Variants in MMS22L observed in about 807,000 individuals in gnomAD.
MMS22L encodes the protein protein MMS22-like.
MMS22L carries 74 observed loss-of-function variants against 159.1 expected under a neutral mutation model. That is an observed-to-expected ratio of 0.47 (90% CI 0.39 to 0.56). The LOEUF (loss-of-function observed/expected upper bound fraction) is 0.56, where lower values mean the gene tolerates loss of function less well. Ranked by LOEUF, MMS22L falls within the 20% of genes least tolerant of loss-of-function variation. The pLI is 0.00. For synonymous variants in MMS22L, 517 were observed against 506.9 expected (o/e 1.02, Z -0.27); for missense variants, 1,351 against 1,422.1 (o/e 0.95, Z 0.80).
chr6:97,194,684 C>A lies in MMS22L; in HGVS notation c.2040-7994G>T, dbSNP rs547126069. On this transcript the variant is annotated intron_variant, in intron 14 of 24. Coordinates refer to ENST00000683635, the MANE Select transcript of MMS22L (RefSeq NM_001350599.2). ...CTGTCATGGAGGAGGATTGAAAATACTCCTTTACTCTATAGGTATAAGTGC... is the reference window on the plus strand; with the variant it reads ...CTGTCATGGAGGAGGATTGAAAATAATCCTTTACTCTATAGGTATAAGTGC... Among the ~76,000 whole-genome samples, 10 of 152,212 alleles carry A rather than the reference C, an allele frequency of 6.6e-5. No individual in the cohort carries two copies. The East Asian group carries it at 1.5e-3, about 24-fold the overall frequency.
At chr6:97,272,561 A>G in intron 6 of MMS22L, 143 bp downstream of exon 6, 1 of 672,998 alleles carries the variant, frequency 1.5e-6, no homozygotes, top group South Asian at 2.1e-5. Context: ...CAATTAATAA[A>G]AGGAGGATGG....
chr6:97,208,886 C>T (rs550930924), intron 14 of MMS22L, among the ~76,000 whole-genome samples: 9 of 151,960 alleles, frequency 5.9e-5, no homozygotes, highest in African/African-American at 1.7e-4. Flanking sequence ...TAGTTTGTAT[C>T]GCTACCTAAA....
intron 18 of MMS22L, among the ~76,000 whole-genome samples, chr6:97,175,664 T>A (rs1804041068): frequency 6.6e-6 from 1 of 151,988 alleles, no homozygotes; most frequent in African/African-American, 2.4e-5. Context: ...ATTATTTATA[T>A]CAGGAAAAAA....
Position 97,282,414 on chromosome 6 carries a change from C to T in MMS22L, c.64G>A (p.Glu22Lys), listed in dbSNP as rs559685068. The T allele has an allele frequency of 3.1e-6, 5 of 1,614,098 alleles. No individual in the cohort carries two copies. The South Asian group carries it at 5.5e-5, about 18-fold the overall frequency. Reference sequence around the variant, plus strand: ...GAAAAGTAAGGAGGTTTGCACCATTCCGTCCCCAGCTCCAGCTCTAAGCTG... The same window carrying T: ...GAAAAGTAAGGAGGTTTGCACCATTTCGTCCCCAGCTCCAGCTCTAAGCTG... ...TDSLELELGT[E>K]WCKPPYFSCA... Residue 22 changes from glutamate to lysine, a missense_variant, in exon 2 of 25, where the codon GAA becomes AAA. Coordinates refer to ENST00000683635, the MANE Select transcript of MMS22L (RefSeq NM_001350599.2).
At chr6:97,234,754 A>T (rs1811220394) in intron 11 of MMS22L, among the ~76,000 whole-genome samples, 1 of 152,212 alleles carries the variant, frequency 6.6e-6, no homozygotes, top group Admixed American at 6.5e-5. Flanking sequence ...TAATGTGGCA[A>T]AGTAATTGGT....
chr6:97,233,871 C>T lies in MMS22L; in HGVS notation c.1292G>A (p.Ser431Asn). ...ATTCTATTCACTCACCAGGTTCTTA[C>T]TATAATATTCCCATAAAATGGTAAC... ...AIVTILWEYY[S>N]KNLNSSFSIS... Residue 431 changes from serine to asparagine, a missense_variant, in exon 12 of 25, where the codon AGT (serine) becomes AAT (asparagine). Coordinates refer to ENST00000683635, the MANE Select transcript of MMS22L (RefSeq NM_001350599.2). The T allele has an allele frequency of 1.2e-6, 2 of 1,604,430 alleles. No individual in the cohort carries two copies. Among genetic ancestry groups the T allele is most frequent in the Non-Finnish European group, 1.7e-6 (2 of 1,176,188 alleles).
chr6:97,187,438 A>T (rs528479924), intron 14 of MMS22L, among the ~76,000 whole-genome samples: 10 of 152,316 alleles, frequency 6.6e-5, no homozygotes, highest in African/African-American at 2.4e-4. Flanking sequence ...TGTGGAACAG[A>T]AGGCATTTAT....
In MMS22L at chr6:97,148,405, A is replaced by C. The variant is rs548236136; in HGVS notation, c.3650+1448T>G. ...GTCCTTCAGGAGGTATTCCAGAAGA[A>C]GGCTTCCTTATTGCAGGAGACGACA... On this transcript the variant is annotated intron_variant, in intron 24 of 24. Coordinates refer to ENST00000683635, the MANE Select transcript of MMS22L (RefSeq NM_001350599.2). 5.5e-4 allele frequency among the ~76,000 whole-genome samples: 84 copies of C among 152,260 alleles called. 1 individual carries two copies. Among genetic ancestry groups the C allele is most frequent in the African/African-American group, 1.9e-3 (80 of 41,544 alleles).
intron 14 of MMS22L, among the ~76,000 whole-genome samples, chr6:97,224,005 T>A (rs189777535): frequency 1.3e-5 from 2 of 152,302 alleles, no homozygotes; most frequent in South Asian, 4.1e-4. Flanking sequence ...GGGTTTTTTA[T>A]GGCAATTGTT....
At chr6:97,171,993 G>C (rs1803596277) in intron 19 of MMS22L, among the ~76,000 whole-genome samples, 1 of 152,070 alleles carries the variant, frequency 6.6e-6, no homozygotes, top group Admixed American at 6.5e-5. Context: ...TCTGCGCATG[G>C]AGACAAAAAT....
intron 11 of MMS22L, among the ~76,000 whole-genome samples, chr6:97,243,572 C>G (rs1425382789): frequency 6.6e-6 from 1 of 152,084 alleles, no homozygotes; most frequent in Non-Finnish European, 1.5e-5. Context: ...CTTTAGAACT[C>G]TTTTTCTAGT....
intron 14 of MMS22L, among the ~76,000 whole-genome samples, chr6:97,218,867 C>T (rs142637738): frequency 1.4e-4 from 21 of 152,260 alleles, no homozygotes; most frequent in Middle Eastern, 6.8e-3. Flanking sequence ...AGCAAGGACC[C>T]CTGAATTGAA....
intron 24 of MMS22L, 47 bp from the exon 25 acceptor site, chr6:97,146,934 TA>T (rs1268438714): frequency 7.8e-7 from 1 of 1,275,474 alleles, no homozygotes; most frequent in Non-Finnish European, 1.1e-6. Context: ...ACATTTTCAT[TA>T]TTTTTCATTT....
intron 3 of MMS22L, among the ~76,000 whole-genome samples, chr6:97,280,654 C>T (rs574500499): frequency 1.3e-5 from 2 of 152,106 alleles, no homozygotes; most frequent in Non-Finnish European, 2.9e-5. Context: ...TTAAGAAATT[C>T]ATACTGAAGT....
At chr6:97,184,789 T>C (rs1393617365) in intron 15 of MMS22L, among the ~76,000 whole-genome samples, 1 of 152,120 alleles carries the variant, frequency 6.6e-6, no homozygotes, top group Non-Finnish European at 1.5e-5. Context: ...TTGCCTAGTC[T>C]TCCTATAAGT....
At position 97,165,422 on chromosome 6, in the gene MMS22L, C is replaced by T. The variant is rs764770296; in HGVS notation, c.3045G>A (p.Pro1015=). The T allele has an allele frequency of 4.3e-6, 7 of 1,612,772 alleles. No homozygotes were observed. Among genetic ancestry groups the T allele is most frequent in the Admixed American group, 1.7e-5 (1 of 59,828 alleles). The stretch of plus-strand genomic sequence containing the variant: ...CTAGCAATTGATTCAAATAGGCATT[C>T]GGATTTTGAGATTGACAACACACGA... ...MCIVCCQSQN[P]NAYLNQLLGN... The change falls in exon 21 of 25, where the codon CCG becomes CCA. Residue 1015 remains proline (P), a synonymous_variant. Coordinates refer to ENST00000683635, the MANE Select transcript of MMS22L (RefSeq NM_001350599.2).
At chr6:97,198,399 C>T (rs907157194) in intron 14 of MMS22L, among the ~76,000 whole-genome samples, 4 of 152,098 alleles carry the variant, frequency 2.6e-5, no homozygotes, top group Non-Finnish European at 5.9e-5. Flanking sequence ...AGGCTCCAGA[C>T]GTGGTAGAGC....
At chr6:97,274,911 T>C (rs1006564348) in intron 4 of MMS22L, among the ~76,000 whole-genome samples, 4 of 152,144 alleles carry the variant, frequency 2.6e-5, no homozygotes, top group Admixed American at 6.5e-5. Context: ...AATCTCATAA[T>C]AGACTACGCA....
At chr6:97,158,906 G>T (rs950623263) in intron 22 of MMS22L, among the ~76,000 whole-genome samples, 1 of 152,014 alleles carries the variant, frequency 6.6e-6, no homozygotes, top group Non-Finnish European at 1.5e-5. Context: ...TGACAGTGGG[G>T]TGTTAAAGTC....
Sources: gnomAD v4.1 joint callset for allele counts (sites outside exome capture counted in the v4.1 genomes callset) on GRCh38, gnomAD v4.1.1 for gene constraint, MANE v1.5 for transcripts, NCBI Gene and HGNC (gene_info 2026-07-23, HGNC 2026-07-21) for gene names.